MERTK: variants seen among roughly 807,000 people sequenced by gnomAD.
MERTK encodes tyrosine-protein kinase Mer.
A neutral mutation model predicts 99.3 loss-of-function variants in MERTK; 69 were observed. The observed-to-expected ratio is 0.70, with a 90% CI of 0.57 to 0.85. MERTK has a LOEUF of 0.85. Among genes scored for constraint, MERTK ranks in the 40% least tolerant of loss-of-function variants. MERTK has a pLI of 0.00. For synonymous variants in MERTK, 426 were observed against 467.6 expected (o/e 0.91, Z 1.15); for missense variants, 1,125 against 1,249.4 (o/e 0.90, Z 1.50).
chr2:111,970,662 GTCC>G (rs1012838093), intron 6 of MERTK, among the ~76,000 whole-genome samples: 4 of 151,446 alleles, frequency 2.6e-5, no homozygotes, highest in Non-Finnish European at 4.4e-5. Context: ...AAGTATGAAA[GTCC>G]TCCTCCTCCT....
intron 16 of MERTK, among the ~76,000 whole-genome samples, chr2:112,020,349 G>T (rs1677313532): frequency 1.3e-5 from 2 of 152,046 alleles, no homozygotes; most frequent in South Asian, 4.1e-4. Context: ...TTCCCAGCAG[G>T]TAGGGTGACC....
chr2:111,955,352 A>G (rs1010957447), intron 4 of MERTK, among the ~76,000 whole-genome samples: 2 of 152,220 alleles, frequency 1.3e-5, no homozygotes, highest in African/African-American at 2.4e-5. Context: ...TACGTGCTGT[A>G]CAATTCCATT....
intron 4 of MERTK, among the ~76,000 whole-genome samples, chr2:111,955,132 C>T (rs1030672248): frequency 5.4e-4 from 82 of 152,212 alleles, no homozygotes; most frequent in African/African-American, 1.8e-3. Context: ...ACCCCTTCTA[C>T]TGAGGGAATG....
intron 8 of MERTK, among the ~76,000 whole-genome samples, chr2:111,992,752 A>C (rs1367893467): frequency 3.2e-5 from 2 of 63,352 alleles, no homozygotes; most frequent in Non-Finnish European, 6.7e-5. Context: ...CTCCGTCTCA[A>C]AAAAAAAAAA....
intron 15 of MERTK, among the ~76,000 whole-genome samples, chr2:112,011,443 T>C (rs1394557295): frequency 6.6e-6 from 1 of 152,112 alleles, no homozygotes; most frequent in African/African-American, 2.4e-5. Context: ...TCACAAACTA[T>C]TAACCAAAGG....
In MERTK at chr2:112,021,707, A is replaced by C; in HGVS notation, c.2349+126A>C. The C allele has an allele frequency of 3.7e-6, 3 of 802,440 alleles. No individual in the cohort carries two copies. In the South Asian group the frequency reaches 4.3e-5, roughly 12 times the overall value. The allele number at this position is 802,440 out of a possible 1,614,324, so 49.7% of individuals were successfully genotyped here. ...TAAACTGAGGGTTGGCAGCTTGCTC[A>C]GATCTCTTTTATATCTTACCATCAG... On this transcript the variant is annotated intron_variant, in intron 17 of 18. Transcript: ENST00000295408.
chr2:112,010,082 T>G lies in MERTK; in HGVS notation c.2079+16T>G. Reference sequence around the variant, plus strand: ...AGGACCAAAGGTAATGATCTCCTTGTGTTACCCCTGAACACTTCTCAGGGC... The same window carrying G: ...AGGACCAAAGGTAATGATCTCCTTGGGTTACCCCTGAACACTTCTCAGGGC... On this transcript the variant is annotated intron_variant, in intron 15 of 18. Transcript: ENST00000295408. 6.5e-7 allele frequency: 1 copy of G among 1,547,320 alleles called. No individual in the cohort carries two copies. The highest frequency in any genetic ancestry group is 8.9e-7 in the Non-Finnish European group (1 of 1,119,458).
At chr2:111,973,169 G>C (rs974806205) in intron 6 of MERTK, among the ~76,000 whole-genome samples, 4 of 152,094 alleles carry the variant, frequency 2.6e-5, no homozygotes, top group Non-Finnish European at 5.9e-5. Flanking sequence ...TAGAAACTCT[G>C]TTTTCCTCTA....
chr2:111,999,824 TATC>T (rs1428451097), intron 10 of MERTK, among the ~76,000 whole-genome samples: 1 of 152,168 alleles, frequency 6.6e-6, no homozygotes, highest in Non-Finnish European at 1.5e-5. Context: ...ATGGTGGAAT[TATC>T]ATTAGTTCTT....
intron 4 of MERTK, among the ~76,000 whole-genome samples, chr2:111,961,642 G>A (rs555755729): frequency 1.3e-4 from 20 of 152,190 alleles, no homozygotes; most frequent in African/African-American, 4.8e-4. Flanking sequence ...GAGATGTATG[G>A]GTTTGCTTTT....
chr2:111,932,058 G>A (rs1684681768), intron 2 of MERTK, among the ~76,000 whole-genome samples: 1 of 152,122 alleles, frequency 6.6e-6, no homozygotes. Flanking sequence ...GAAATTTGGA[G>A]TAGAATTTAT....
intron 1 of MERTK, among the ~76,000 whole-genome samples, chr2:111,905,433 C>CTTTTTTTTTTTTTTTT (rs61232340): frequency 1.2e-5 from 1 of 85,276 alleles, no homozygotes; most frequent in Non-Finnish European, 2.0e-5. Context: ...CTACACTGTT[C>CTTTTTTTTTTTTTTTT]TTTTTTTTTT....
intron 2 of MERTK, among the ~76,000 whole-genome samples, chr2:111,935,538 A>T (rs1684748846): frequency 6.6e-6 from 1 of 152,108 alleles, no homozygotes; most frequent in Non-Finnish European, 1.5e-5. Context: ...GCTCATGGAC[A>T]TTTAAGTACG....
At chr2:111,909,966 A>G (rs1028831989) in intron 1 of MERTK, among the ~76,000 whole-genome samples, 2 of 152,222 alleles carry the variant, frequency 1.3e-5, no homozygotes, top group Non-Finnish European at 2.9e-5. Flanking sequence ...TCAAAAAGAC[A>G]TCTGCACCCT....
intron 1 of MERTK, among the ~76,000 whole-genome samples, chr2:111,899,544 G>A (rs1160406106): frequency 6.6e-6 from 1 of 151,768 alleles, no homozygotes; most frequent in African/African-American, 2.4e-5. Flanking sequence ...TTGAGACCGA[G>A]TCTCGCCCTG....
At chr2:112,024,452 A>G (rs1422744119) in intron 18 of MERTK, among the ~76,000 whole-genome samples, 3 of 152,178 alleles carry the variant, frequency 2.0e-5, no homozygotes, top group African/African-American at 7.2e-5. Flanking sequence ...AGAGGGGCGA[A>G]CCTGCCACCC....
intron 18 of MERTK, among the ~76,000 whole-genome samples, chr2:112,023,226 AAC>A (rs1164650719): frequency 6.6e-6 from 1 of 152,110 alleles, no homozygotes; most frequent in Non-Finnish European, 1.5e-5. Context: ...CATCCTCGCT[AAC>A]ACAGTGAAAC....
chr2:111,923,111 A>G lies in MERTK; in HGVS notation c.62-6009A>G, dbSNP rs532468378. Reference sequence around the variant, plus strand: ...ACCCTTCAGGACCTCTGCACGTCACACCCGTTTATTCTGTAAATGTTTGCT... The same window carrying G: ...ACCCTTCAGGACCTCTGCACGTCACGCCCGTTTATTCTGTAAATGTTTGCT... On this transcript the variant is annotated intron_variant, in intron 1 of 18. Coordinates refer to ENST00000295408, the MANE Select transcript of MERTK (RefSeq NM_006343.3). Among the ~76,000 whole-genome samples the G allele has an allele frequency of 1.4e-3, 213 of 152,132 alleles. 5 individuals are homozygous for G. Among genetic ancestry groups the G allele is most frequent in the Non-Finnish European group, 3.1e-4 (21 of 68,004 alleles).
intron 1 of MERTK, among the ~76,000 whole-genome samples, chr2:111,920,086 C>G (rs1014267978): frequency 1.3e-5 from 2 of 152,272 alleles, no homozygotes; most frequent in Non-Finnish European, 2.9e-5. Context: ...CTAAATGATA[C>G]TAAGTTATAT....
Sources: allele counts gnomAD v4.1 joint callset (sites outside exome capture counted in the v4.1 genomes callset), GRCh38; gene constraint gnomAD v4.1.1; transcripts MANE v1.5; gene names NCBI Gene and HGNC (gene_info 2026-07-23, HGNC 2026-07-21).